The following SND1 variants were observed in gnomAD, a reference collection of about 807,000 sequenced individuals.
SND1 encodes the protein staphylococcal nuclease domain-containing protein 1.
SND1 carries 38 observed loss-of-function variants against 121.7 expected under a neutral mutation model. The observed-to-expected ratio is 0.31, with a 90% CI of 0.24 to 0.41. The LOEUF (loss-of-function observed/expected upper bound fraction) is 0.41, where lower values mean the gene tolerates loss of function less well. SND1 is among the 10% of genes least tolerant of loss of function. The pLI, the probability that SND1 is intolerant of heterozygous loss-of-function variation, is 1.00. For missense variants in SND1, 868 were observed against 1,184.6 expected (o/e 0.73, Z 3.92); for synonymous variants, 401 against 447.4 (o/e 0.90, Z 1.31).
At chr7:127,681,210 A>T (rs1234248007) in intron 1 of SND1, among the ~76,000 whole-genome samples, 1 of 152,206 alleles carries the variant, frequency 6.6e-6, no homozygotes, top group East Asian at 1.9e-4. Context: ...GTAAAGTGAT[A>T]TGTCATTGTA....
intron 1 of SND1, among the ~76,000 whole-genome samples, chr7:127,665,456 G>C (rs921564261): frequency 6.6e-6 from 1 of 151,948 alleles, no homozygotes; most frequent in Non-Finnish European, 1.5e-5. Context: ...CGAAGTGCTG[G>C]GATTACAGGC....
intron 16 of SND1, among the ~76,000 whole-genome samples, chr7:128,022,197 T>C (rs1584742393): frequency 1.0e-5 from 1 of 98,088 alleles, no homozygotes; most frequent in East Asian, 2.9e-4. Context: ...AGAGCAAGAC[T>C]CTCTCTCAAA....
chr7:127,834,340 T>C (rs1406393229), intron 11 of SND1, among the ~76,000 whole-genome samples: 3 of 152,220 alleles, frequency 2.0e-5, no homozygotes, highest in South Asian at 2.1e-4. Flanking sequence ...TGAGAAATGG[T>C]TTGATCTAGA....
chr7:127,688,156 T>C (rs1378459148), intron 2 of SND1, among the ~76,000 whole-genome samples: 2 of 152,178 alleles, frequency 1.3e-5, no homozygotes, highest in African/African-American at 4.8e-5. Context: ...TTTATGGTTA[T>C]TTGAGAACCT....
chr7:127,929,069 A>G (rs370349056), intron 14 of SND1, 119 bp from the exon 15 acceptor site: 1 of 933,942 alleles, frequency 1.1e-6, no homozygotes. Flanking sequence ...GGTTTCAGAA[A>G]TGTCTATAAA....
chr7:127,860,106 G>A (rs1007398452), intron 12 of SND1, among the ~76,000 whole-genome samples: 1 of 152,208 alleles, frequency 6.6e-6, no homozygotes, highest in Non-Finnish European at 1.5e-5. Context: ...TTGCAAGTCA[G>A]TTAACCTCTT....
At chr7:128,084,612 T>A in intron 18 of SND1, 112 bp from the exon 19 acceptor site, 1 of 1,183,092 alleles carries the variant, frequency 8.5e-7, no homozygotes, top group East Asian at 2.7e-5. Flanking sequence ...AGTGCTGCAG[T>A]GCCCCCCAGA....
At chr7:127,956,655 A>G (rs2116863517) in intron 15 of SND1, among the ~76,000 whole-genome samples, 1 of 152,262 alleles carries the variant, frequency 6.6e-6, no homozygotes, top group East Asian at 1.9e-4. Flanking sequence ...GCTGAGTTCT[A>G]AGAACAGGGG....
intron 16 of SND1, among the ~76,000 whole-genome samples, chr7:127,994,692 C>A (rs547311975): frequency 6.6e-6 from 1 of 151,500 alleles, no homozygotes; most frequent in South Asian, 2.1e-4. Flanking sequence ...TGAAACACAG[C>A]CATGCTAACT....
At chr7:127,973,003 G>A (rs1444580867) in intron 15 of SND1, among the ~76,000 whole-genome samples, 9 of 152,182 alleles carry the variant, frequency 5.9e-5, no homozygotes, top group Non-Finnish European at 1.5e-5. Context: ...GACAAGATTG[G>A]AGAGGGCCCA....
intron 16 of SND1, among the ~76,000 whole-genome samples, chr7:128,047,356 GCAGGATCTTC>G (rs1471631836): frequency 6.6e-6 from 1 of 152,208 alleles, no homozygotes; most frequent in African/African-American, 2.4e-5. Flanking sequence ...TCCATTTACA[GCAGGATCTTC>G]CAAACTTCAG....
At chr7:127,843,555 C>T (rs527648908) in intron 11 of SND1, among the ~76,000 whole-genome samples, 1 of 152,316 alleles carries the variant, frequency 6.6e-6, no homozygotes, top group African/African-American at 2.4e-5. Flanking sequence ...TCCTCCATGT[C>T]TTTTCATGGC....
Position 127,942,112 on chromosome 7 carries a change from T to C in SND1, c.1669+12783T>C, listed in dbSNP as rs1186826549. Among the ~76,000 whole-genome samples the C allele has an allele frequency of 2.6e-5, 4 of 152,192 alleles. No homozygotes were observed. In the East Asian group the frequency reaches 7.7e-4, roughly 29 times the overall value. ...CAGTTTGGTGGGTGGGAAGACATGGTAACAGTTACTTGTTCTTGCTAGTAT... is the reference window on the plus strand; with the variant it reads ...CAGTTTGGTGGGTGGGAAGACATGGCAACAGTTACTTGTTCTTGCTAGTAT... On this transcript the variant is annotated intron_variant, in intron 15 of 23. Transcript: ENST00000354725.
intron 8 of SND1, among the ~76,000 whole-genome samples, chr7:127,705,493 G>T (rs1396777820): frequency 6.6e-6 from 1 of 152,198 alleles, no homozygotes; most frequent in Non-Finnish European, 1.5e-5. Flanking sequence ...CGTTAAAGCA[G>T]ATATAGGAAT....
chr7:127,684,284 T>G (rs1795776616), intron 1 of SND1, among the ~76,000 whole-genome samples: 1 of 152,204 alleles, frequency 6.6e-6, no homozygotes, highest in South Asian at 2.1e-4. Flanking sequence ...AGAGGTCCCC[T>G]GGGAATGCGT....
intron 15 of SND1, among the ~76,000 whole-genome samples, chr7:127,962,321 G>T (rs1367219121): frequency 6.6e-6 from 1 of 152,162 alleles, no homozygotes; most frequent in African/African-American, 2.4e-5. Flanking sequence ...ACACGATCTT[G>T]GTTGAGGCTG....
At chr7:127,961,435 A>G (rs1801728514) in intron 15 of SND1, among the ~76,000 whole-genome samples, 1 of 152,254 alleles carries the variant, frequency 6.6e-6, no homozygotes, top group Non-Finnish European at 1.5e-5. Context: ...AAACTTGAGA[A>G]CAGAAGAAAC....
At chr7:128,000,743 C>T (rs975810167) in intron 16 of SND1, among the ~76,000 whole-genome samples, 1 of 152,228 alleles carries the variant, frequency 6.6e-6, no homozygotes, top group Non-Finnish European at 1.5e-5. Context: ...CTAAACATTG[C>T]AAGCCATGCC....
intron 13 of SND1, among the ~76,000 whole-genome samples, chr7:127,894,281 G>A (rs1378582878): frequency 2.0e-5 from 3 of 151,730 alleles, no homozygotes; most frequent in East Asian, 1.9e-4. Context: ...AATGCTCTTG[G>A]TCTTCCACCC....
Sources: allele counts gnomAD v4.1 joint callset (sites outside exome capture counted in the v4.1 genomes callset), GRCh38; gene constraint gnomAD v4.1.1; transcripts MANE v1.5; gene names NCBI Gene and HGNC (gene_info 2026-07-23, HGNC 2026-07-21).